CMTM7: variants seen among roughly 807,000 people sequenced by gnomAD.
The protein encoded by CMTM7 is CKLF like MARVEL transmembrane domain containing 7, also known as CKLF-like MARVEL transmembrane domain-containing protein 7.
In CMTM7, 7 loss-of-function variants were observed where a neutral mutation model predicts 19.3. The ratio of observed to expected loss-of-function variants is 0.36; its 90% CI spans 0.21 to 0.68. CMTM7 has a LOEUF of 0.68. Among genes scored for constraint, CMTM7 ranks in the 30% least tolerant of loss-of-function variants. The pLI is 0.60. For missense variants in CMTM7, 193 were observed against 232.6 expected, an observed-to-expected ratio of 0.83 and a Z score of 1.11; for synonymous variants, 87 against 99.3, an observed-to-expected ratio of 0.88 and a Z score of 0.74.
chr3:32,442,064 G>A, intron 2 of CMTM7, 51 bp downstream of exon 2: 1 of 1,546,554 alleles, frequency 6.5e-7, no homozygotes, highest in Non-Finnish European at 8.9e-7. Context: ...CAGGATGTTA[G>A]CTAGAGTACT....
rs979043578 is a variant in CMTM7 at position 32,434,601 on chromosome 3, C to A, written c.160-7239C>A. 1.5e-3 allele frequency among the ~76,000 whole-genome samples: 44 copies of A among 28,980 alleles called. 1 individual carries two copies. The highest frequency in any genetic ancestry group is 0.015 in the Middle Eastern group (1 of 68). The allele number at this position is 28,980 out of a possible 152,430, so 19.0% of individuals were successfully genotyped here. The stretch of plus-strand genomic sequence containing the variant: ...TGAGATTACACCTATTGCCTCTTTT[C>A]TTTTCTTTTTTTTTTTTTTTTAAGT... On this transcript the variant is annotated intron_variant, in intron 1 of 4. Transcript: ENST00000334983.
intron 1 of CMTM7, among the ~76,000 whole-genome samples, chr3:32,393,562 T>C (rs1455900053): frequency 3.3e-5 from 5 of 152,112 alleles, no homozygotes; most frequent in Non-Finnish European, 4.4e-5. Flanking sequence ...CTTGTTGGTC[T>C]ATGAGTTTGG....
intron 1 of CMTM7, among the ~76,000 whole-genome samples, chr3:32,432,087 C>T (rs948100470): frequency 6.6e-6 from 1 of 152,222 alleles, no homozygotes; most frequent in African/African-American, 2.4e-5. Context: ...TTCAGATAGA[C>T]CTGGATTTGC....
chr3:32,401,029 C>T (rs778834567), intron 1 of CMTM7, among the ~76,000 whole-genome samples: 16 of 152,134 alleles, frequency 1.1e-4, no homozygotes, highest in Non-Finnish European at 2.2e-4. Context: ...AATGAGTGCC[C>T]CTTTATCATC....
rs1260126280 is a variant in CMTM7 at position 32,442,200 on chromosome 3, C to CA, written c.333+188dup. 2.0e-5 allele frequency among the ~76,000 whole-genome samples: 3 copies of CA among 152,052 alleles called. No homozygotes were observed. In the East Asian group the frequency reaches 5.8e-4, roughly 29 times the overall value. On this transcript the variant is annotated intron_variant, in intron 2 of 4. Coordinates refer to ENST00000334983, the MANE Select transcript of CMTM7 (RefSeq NM_138410.4). Reference sequence around the variant, plus strand: ...TGATGTCCTGCTGGTTTTTAAAACTCACTTTCCAGCTACAAGAAGGCTGTG... The same window carrying CA: ...TGATGTCCTGCTGGTTTTTAAAACTCAACTTTCCAGCTACAAGAAGGCTGTG...
chr3:32,451,964 C>T, intron 3 of CMTM7: 4 of 735,974 alleles, frequency 5.4e-6, no homozygotes, highest in South Asian at 4.4e-5. Flanking sequence ...AAAGTCATTA[C>T]AAATGAAATG....
Position 32,394,941 on chromosome 3 carries a change from C to T in CMTM7, c.159+2876C>T, listed in dbSNP as rs370080033. ...GATCTCTTGACCTCATGATCCGCCC[C>T]CGCCTCTGCCTCCCAAAGCGCTGGT... On this transcript the variant is annotated intron_variant, in intron 1 of 4. Coordinates refer to ENST00000334983, the MANE Select transcript of CMTM7 (RefSeq NM_138410.4). 1.8e-3 allele frequency among the ~76,000 whole-genome samples: 271 copies of T among 151,932 alleles called. 4 individuals are homozygous for T. Among genetic ancestry groups the T allele is most frequent in the African/African-American group, 6.0e-3 (249 of 41,404 alleles).
chr3:32,435,682 A>G (rs941499961), intron 1 of CMTM7, among the ~76,000 whole-genome samples: 3 of 152,204 alleles, frequency 2.0e-5, no homozygotes, highest in Admixed American at 1.3e-4. Context: ...ACAGCCACCT[A>G]CAACAAAGAA....
chr3:32,446,275 A>G (rs1028232811), intron 2 of CMTM7, among the ~76,000 whole-genome samples: 3 of 152,280 alleles, frequency 2.0e-5, no homozygotes, highest in East Asian at 3.9e-4. Flanking sequence ...CATCTAAGTC[A>G]TTGAATTTAT....
chr3:32,397,818 A>G (rs1695940932), intron 1 of CMTM7, among the ~76,000 whole-genome samples: 1 of 152,172 alleles, frequency 6.6e-6, no homozygotes, highest in Admixed American at 6.5e-5. Flanking sequence ...AATGTAATCC[A>G]GCAGATTTGG....
At chr3:32,448,369 A>G (rs1696782183) in intron 2 of CMTM7, among the ~76,000 whole-genome samples, 1 of 152,224 alleles carries the variant, frequency 6.6e-6, no homozygotes, top group African/African-American at 2.4e-5. Context: ...CTTTGAGAGG[A>G]GCTACAGCTT....
intron 1 of CMTM7, among the ~76,000 whole-genome samples, chr3:32,436,897 G>A (rs1696605584): frequency 6.6e-6 from 1 of 152,060 alleles, no homozygotes; most frequent in Non-Finnish European, 1.5e-5. Context: ...TGCCTCTTGA[G>A]TTTTCTGTAG....
At chr3:32,452,192 G>T in intron 3 of CMTM7, 200 bp from the exon 4 acceptor site, 1 of 1,504,996 alleles carries the variant, frequency 6.6e-7, no homozygotes, top group Non-Finnish European at 8.9e-7. Flanking sequence ...CAACCTGGAG[G>T]ACTGGGGCCA....
rs576202184 is a variant in CMTM7 at position 32,454,526 on chromosome 3, T to C, written c.*272T>C. On this transcript the variant is annotated 3_prime_UTR_variant, in exon 5 of 5. Transcript: ENST00000334983. ...AGGGAAATGTTTTCTGCCTTCCTGC[T>C]TCTAGAACCACCTCAGGTACTGATG... The C allele has an allele frequency of 1.5e-6, 1 of 672,202 alleles. No individual in the cohort carries two copies. Among genetic ancestry groups the C allele is most frequent in the South Asian group, 1.5e-5 (1 of 66,230 alleles). The allele number at this position is 672,202 out of a possible 1,614,324, so 41.6% of individuals were successfully genotyped here. A position where few individuals can be genotyped will look rare whatever the true frequency, so the allele number is the denominator to read the frequency against.
intron 1 of CMTM7, 81 bp downstream of exon 1, chr3:32,392,146 G>A (rs1235916945): frequency 3.7e-6 from 4 of 1,077,004 alleles, no homozygotes; most frequent in Non-Finnish European, 4.7e-6. Context: ...CGCGCCGGGC[G>A]TCTGGACCCG....
intron 2 of CMTM7, among the ~76,000 whole-genome samples, chr3:32,447,991 A>G (rs1206433609): frequency 3.9e-5 from 6 of 151,984 alleles, no homozygotes; most frequent in Non-Finnish European, 7.4e-5. Context: ...AAGTTATGGC[A>G]TTTTTTTCTG....
chr3:32,408,625 C>T (rs149745019), intron 1 of CMTM7, among the ~76,000 whole-genome samples: 64 of 152,262 alleles, frequency 4.2e-4, no homozygotes, highest in African/African-American at 1.3e-3. Flanking sequence ...ATGGAAAGGA[C>T]GTTCCAAAGA....
At chr3:32,433,462 A>G (rs946408291) in intron 1 of CMTM7, among the ~76,000 whole-genome samples, 2 of 152,160 alleles carry the variant, frequency 1.3e-5, no homozygotes, top group Admixed American at 6.5e-5. Context: ...CTGAATCCCT[A>G]CATCACAGCC....
intron 1 of CMTM7, among the ~76,000 whole-genome samples, chr3:32,419,997 G>A (rs545915962): frequency 6.6e-6 from 1 of 152,258 alleles, no homozygotes; most frequent in South Asian, 2.1e-4. Context: ...TTGAAGTTAT[G>A]CAGCTCAATT....
Sources: gnomAD v4.1 joint callset for allele counts (sites outside exome capture counted in the v4.1 genomes callset) on GRCh38, gnomAD v4.1.1 for gene constraint, MANE v1.5 for transcripts, NCBI Gene and HGNC (gene_info 2026-07-23, HGNC 2026-07-21) for gene names.